RNF217: variants seen among roughly 807,000 people sequenced by gnomAD.
RNF217 encodes ring finger protein 217, also known as E3 ubiquitin-protein ligase RNF217.
Under a neutral mutation model 57.8 loss-of-function variants are expected in RNF217, and 31 were observed. The ratio of observed to expected loss-of-function variants is 0.54; its 90% CI spans 0.40 to 0.72. The LOEUF (loss-of-function observed/expected upper bound fraction) is 0.72, where lower values mean the gene tolerates loss of function less well. Ranked by LOEUF, RNF217 falls within the 30% of genes least tolerant of loss-of-function variation. The pLI is 0.00. For synonymous variants in RNF217, 313 were observed against 294.0 expected, an observed-to-expected ratio of 1.06 and a Z score of -0.66; for missense variants, 696 against 708.3, an observed-to-expected ratio of 0.98 and a Z score of 0.20.
intron 1 of RNF217, among the ~76,000 whole-genome samples, chr6:124,965,256 T>A (rs1427374898): frequency 6.6e-6 from 1 of 152,160 alleles, no homozygotes. Context: ...CCAAAGTATT[T>A]GCTGGGACTT....
intron 1 of RNF217, among the ~76,000 whole-genome samples, chr6:124,972,679 G>A (rs1783806632): frequency 6.6e-6 from 1 of 152,012 alleles, no homozygotes; most frequent in African/African-American, 2.4e-5. Context: ...TTCTGTCTTA[G>A]GGGAATCCTC....
Position 124,972,705 on chromosome 6 carries a change from C to T in RNF217, c.882+9279C>T, listed in dbSNP as rs117992230. On this transcript the variant is annotated intron_variant, in intron 1 of 5. Coordinates refer to ENST00000521654, the MANE Select transcript of RNF217 (RefSeq NM_001286398.3). ...GGGAATCCTCTTTCTTTCCTTGCTG[C>T]CCTAACTCTCTTTGCCCCATTCACA... 2.7e-4 allele frequency among the ~76,000 whole-genome samples: 41 copies of T among 152,240 alleles called. 1 individual carries two copies. In the East Asian group the frequency reaches 7.5e-3, roughly 28 times the overall value.
intron 1 of RNF217, among the ~76,000 whole-genome samples, chr6:125,014,096 T>G (rs1785518673): frequency 6.6e-6 from 1 of 152,224 alleles, no homozygotes; most frequent in Non-Finnish European, 1.5e-5. Flanking sequence ...ATACAGAGGA[T>G]GCTGTTTGCT....
chr6:125,047,719 CAATT>C (rs1787150086), intron 2 of RNF217, among the ~76,000 whole-genome samples: 1 of 151,232 alleles, frequency 6.6e-6, no homozygotes, highest in Non-Finnish European at 1.5e-5. Flanking sequence ...TTATTAAACT[CAATT>C]GATTCCTTTT....
chr6:125,077,963 G>A (rs1356801204), intron 4 of RNF217, among the ~76,000 whole-genome samples: 1 of 152,138 alleles, frequency 6.6e-6, no homozygotes, highest in Admixed American at 6.6e-5. Context: ...GATAGAACAT[G>A]TATACGCAAA....
At chr6:124,979,676 A>C (rs1213235018) in intron 1 of RNF217, among the ~76,000 whole-genome samples, 5 of 152,198 alleles carry the variant, frequency 3.3e-5, no homozygotes, top group Non-Finnish European at 5.9e-5. Context: ...GATAGTATAG[A>C]TCCTCCATGG....
In RNF217 at chr6:125,088,793, T is replaced by TA. The variant is rs945295731; in HGVS notation, c.*5862dup. On this transcript the variant is annotated 3_prime_UTR_variant, in exon 6 of 6. Transcript: ENST00000521654. ...CTTAAATTATTCAGACTTACTAAGA[T>TA]AAAAAATACTTTTTTTCAGTTCTGT... The TA allele has an allele frequency of 6.6e-6, 1 of 152,460 alleles. No homozygotes were observed. Among genetic ancestry groups the TA allele is most frequent in the Non-Finnish European group, 1.5e-5 (1 of 68,018 alleles). The allele number at this position is 152,460 out of a possible 1,614,324, so 9.4% of individuals were successfully genotyped here.
chr6:125,081,946 A>G (rs1389929028), intron 5 of RNF217, among the ~76,000 whole-genome samples: 2 of 152,108 alleles, frequency 1.3e-5, no homozygotes, highest in Non-Finnish European at 2.9e-5. Flanking sequence ...AGGAACATAT[A>G]CCCAACATAC....
intron 1 of RNF217, among the ~76,000 whole-genome samples, chr6:124,971,013 TG>T (rs1378051647): frequency 6.6e-6 from 1 of 152,096 alleles, no homozygotes; most frequent in Admixed American, 6.5e-5. Flanking sequence ...CAGGTTAGAG[TG>T]GGTTCAAAAG....
intron 1 of RNF217, chr6:124,996,520 T>C (rs1315342751): frequency 6.6e-6 from 1 of 152,166 alleles, no homozygotes; most frequent in Non-Finnish European, 1.5e-5. Flanking sequence ...TGATGTCTTT[T>C]ATGAAGAGTT....
In RNF217 at chr6:124,963,372, T is replaced by C; in HGVS notation, c.828T>C (p.Pro276=). 1.3e-6 allele frequency: 2 copies of C among 1,520,210 alleles called. No homozygotes were observed. 94.2% of individuals were successfully genotyped at this position (1,520,210 alleles called of 1,614,324 possible). A position where few individuals can be genotyped will look rare whatever the true frequency, so the allele number is the denominator to read the frequency against. ...AAGACAAGCCCATCAAGCCCCTGCCTTGCTGCAAGAAGGCCGTGTGCGAGG... is the reference window on the plus strand; with the variant it reads ...AAGACAAGCCCATCAAGCCCCTGCCCTGCTGCAAGAAGGCCGTGTGCGAGG... ...CLEDKPIKPL[P]CCKKAVCEEC... is the part of the protein sequence containing the mutation. Residue 276 remains proline (P), a synonymous_variant, in exon 1 of 6, where the codon CCT becomes CCC. Coordinates refer to ENST00000521654, the MANE Select transcript of RNF217 (RefSeq NM_001286398.3).
rs895957236 is a variant in RNF217 at position 125,054,626 on chromosome 6, C to T, written c.1117-3316C>T. The stretch of plus-strand genomic sequence containing the variant: ...CCATGCTACACAAAGCTCATGCCAC[C>T]GCTTAGGCAGCTTGCCAACTAGTGG... On this transcript the variant is annotated intron_variant, in intron 2 of 5. Coordinates refer to ENST00000521654, the MANE Select transcript of RNF217 (RefSeq NM_001286398.3). 1.2e-4 allele frequency among the ~76,000 whole-genome samples: 19 copies of T among 152,206 alleles called. 1 individual carries two copies. Among genetic ancestry groups the T allele is most frequent in the African/African-American group, 3.6e-4 (15 of 41,460 alleles).
intron 1 of RNF217, chr6:125,009,387 A>AAGAGT: frequency 1.4e-6 from 1 of 708,556 alleles, no homozygotes; most frequent in Admixed American, 2.3e-5. Flanking sequence ...TAGAGCCTGG[A>AAGAGT]AGAGTAGATT....
chr6:125,045,479 C>G, intron 2 of RNF217, 35 bp downstream of exon 2: 1 of 1,529,374 alleles, frequency 6.5e-7, no homozygotes, highest in African/African-American at 1.4e-5. Context: ...GGTTAGATGT[C>G]ACATGGCAGA....
intron 3 of RNF217, among the ~76,000 whole-genome samples, chr6:125,061,957 C>T (rs1787751906): frequency 6.6e-6 from 1 of 151,784 alleles, no homozygotes; most frequent in African/African-American, 2.4e-5. Flanking sequence ...AAATTGAAAC[C>T]ATCTAACCCA....
chr6:125,037,764 T>C (rs1786700845), intron 1 of RNF217, among the ~76,000 whole-genome samples: 1 of 152,190 alleles, frequency 6.6e-6, no homozygotes, highest in Non-Finnish European at 1.5e-5. Context: ...GTGATTATTG[T>C]TACTGCTTTC....
At chr6:124,981,467 G>A (rs965073526) in intron 1 of RNF217, among the ~76,000 whole-genome samples, 4 of 152,164 alleles carry the variant, frequency 2.6e-5, no homozygotes, top group South Asian at 4.1e-4. Flanking sequence ...GTTTGGTTGG[G>A]GGGGCGGTGA....
chr6:124,972,232 C>G (rs1414355430), intron 1 of RNF217, among the ~76,000 whole-genome samples: 1 of 152,136 alleles, frequency 6.6e-6, no homozygotes, highest in Admixed American at 6.5e-5. Flanking sequence ...TAATTAATCA[C>G]CAGGTCCTTT....
At chr6:124,977,485 G>T (rs1188406300) in intron 1 of RNF217, among the ~76,000 whole-genome samples, 1 of 152,204 alleles carries the variant, frequency 6.6e-6, no homozygotes, top group African/African-American at 2.4e-5. Flanking sequence ...ACAATTACTG[G>T]TGTCAGCAAA....
Sources: gnomAD v4.1 joint callset for allele counts (sites outside exome capture counted in the v4.1 genomes callset) on GRCh38, gnomAD v4.1.1 for gene constraint, MANE v1.5 for transcripts, NCBI Gene and HGNC (gene_info 2026-07-23, HGNC 2026-07-21) for gene names.